The following ZCCHC8 variants were observed in gnomAD, a reference collection of about 807,000 sequenced individuals.
The protein encoded by ZCCHC8 is zinc finger CCHC domain-containing protein 8.
In ZCCHC8, 27 loss-of-function variants were observed where a neutral mutation model predicts 70.6. The ratio of observed to expected loss-of-function variants is 0.38; its 90% confidence interval spans 0.28 to 0.53. The LOEUF (loss-of-function observed/expected upper bound fraction) is 0.53, where lower values mean the gene tolerates loss of function less well. Ranked by LOEUF, ZCCHC8 falls within the 20% of genes least tolerant of loss-of-function variation. The pLI is 0.81. For synonymous variants in ZCCHC8, 293 were observed against 317.4 expected, an observed-to-expected ratio of 0.92 and a Z score of 0.82; for missense variants, 737 against 876.9, an observed-to-expected ratio of 0.84 and a Z score of 2.01.
At position 122,500,523 on chromosome 12, in the gene ZCCHC8, T is replaced by C; in HGVS notation, c.199+119A>G. On this transcript the variant is annotated intron_variant, in intron 1 of 13. Transcript: ENST00000633063. The surrounding 1 kb of genome is among the most constrained non-coding windows in gnomAD (Gnocchi z 4.8). ...GGGTGACAGAAAGCACTTGGAATTC[T>C]GGCCCTCCTGGAACTTCCGCCCGCG... is the stretch of plus-strand genomic sequence containing the variant. 6.4e-6 allele frequency: 8 copies of C among 1,246,834 alleles called. No homozygotes were observed. Among genetic ancestry groups the C allele is most frequent in the Non-Finnish European group, 8.6e-6 (8 of 927,312 alleles). The allele number at this position is 1,246,834 out of a possible 1,614,324, so 77.2% of individuals were successfully genotyped here. A position where few individuals can be genotyped will look rare whatever the true frequency, so the allele number is the denominator to read the frequency against.
In ZCCHC8 at chr12:122,483,959, G is replaced by GA. The variant is rs756732229; in HGVS notation, c.502-397dup. The GA allele has an allele frequency of 2.4e-5, 4 of 167,382 alleles. No individual in the cohort carries two copies. Among genetic ancestry groups the GA allele is most frequent in the Non-Finnish European group, 3.9e-5 (3 of 77,680 alleles). The allele number at this position is 167,382 out of a possible 1,614,324, so 10.4% of individuals were successfully genotyped here. ...TTTTCTTATCCCTCCAGTTCTTTTTGAAAAAATTCCATACAGACAAGTTGG... is the reference window on the plus strand; with the variant it reads ...TTTTCTTATCCCTCCAGTTCTTTTTGAAAAAAATTCCATACAGACAAGTTGG... On this transcript the variant is annotated intron_variant, in intron 5 of 13. Transcript: ENST00000633063. The surrounding 1 kb of genome is among the most constrained non-coding windows in gnomAD (Gnocchi z 4.4).
chr12:122,497,326 G>A (rs749359104), intron 2 of ZCCHC8, among the ~76,000 whole-genome samples: 13 of 151,738 alleles, frequency 8.6e-5, no homozygotes, highest in Non-Finnish European at 1.5e-4. Context: ...CAGATCACTC[G>A]AGGCCAGGAG....
intron 2 of ZCCHC8, among the ~76,000 whole-genome samples, chr12:122,496,351 A>C (rs774056760): frequency 6.0e-4 from 91 of 152,276 alleles, no homozygotes; most frequent in Non-Finnish European, 1.1e-3. Flanking sequence ...ATTCTAAGAA[A>C]ACACTGATTT....
Position 122,477,852 on chromosome 12 carries a change from T to G in ZCCHC8, c.1334A>C (p.Glu445Ala). ...AGGATGAAACCTACCTGAATCGAGCTCCATGTCGGCGGGAGATCCCGCTGA... is the reference window on the plus strand; with the variant it reads ...AGGATGAAACCTACCTGAATCGAGCGCCATGTCGGCGGGAGATCCCGCTGA... ...SNSAGSPADM[E>A]LDSDMEVPHG... The change falls in exon 13 of 14, where the codon GAG becomes GCG. Residue 445 changes from glutamate (E) to alanine (A), a missense_variant. Physicochemically the swap from Glu to Ala is moderately radical, Grantham distance 107. Transcript: ENST00000633063. 6.2e-7 allele frequency: 1 copy of G among 1,606,154 alleles called. No homozygotes were observed. The highest frequency in any genetic ancestry group is 2.2e-5 in the East Asian group (1 of 44,684).
chr12:122,477,727 T>C, intron 13 of ZCCHC8, 114 bp downstream of exon 13: 4 of 776,894 alleles, frequency 5.1e-6, no homozygotes, highest in Admixed American at 2.3e-5. Context: ...GAGGCAGAGG[T>C]TGCGGTGAGC....
chr12:122,495,847 C>CAAAAAA (rs538311699), intron 2 of ZCCHC8, among the ~76,000 whole-genome samples: 26 of 78,322 alleles, frequency 3.3e-4, no homozygotes, highest in South Asian at 8.5e-4. Flanking sequence ...CACTCTGTCT[C>CAAAAAA]AAAAAAAAAA....
chr12:122,493,187 A>C (rs1957776713), intron 2 of ZCCHC8, among the ~76,000 whole-genome samples: 1 of 152,108 alleles, frequency 6.6e-6, no homozygotes. Context: ...TAAGTACCAA[A>C]AATCATATAG....
At position 122,483,087 on chromosome 12, in the gene ZCCHC8, G is replaced by C. The variant is rs1566293121; in HGVS notation, c.671+192C>G. The C allele has an allele frequency of 3.2e-6, 2 of 617,534 alleles. No homozygotes were observed. Among genetic ancestry groups the C allele is most frequent in the Non-Finnish European group, 5.5e-6 (2 of 361,248 alleles). The allele number at this position is 617,534 out of a possible 1,614,324, so 38.3% of individuals were successfully genotyped here. A position where few individuals can be genotyped will look rare whatever the true frequency, so the allele number is the denominator to read the frequency against. ...CCACCCACCCAGGCACATTAGGTGA[G>C]AACCAATGAATTCCAGGAAGCAGAT... On this transcript the variant is annotated intron_variant, in intron 7 of 13. Transcript: ENST00000633063. This position sits in a 1 kb window ranked among gnomAD's most constrained non-coding sequence, Gnocchi z 4.4.
intron 10 of ZCCHC8, chr12:122,480,596 T>C: frequency 4.1e-6 from 1 of 244,898 alleles, no homozygotes; most frequent in Non-Finnish European, 7.8e-6. Context: ...CTCAGCCTCC[T>C]AAATAGCTGG....
intron 2 of ZCCHC8, among the ~76,000 whole-genome samples, chr12:122,496,437 C>T (rs542553267): frequency 3.3e-5 from 5 of 151,976 alleles, no homozygotes; most frequent in South Asian, 4.2e-4. Flanking sequence ...CGTTTGAACT[C>T]GGATAAAAAT....
Position 122,500,448 on chromosome 12 carries a change from G to A in ZCCHC8, c.199+194C>T, listed in dbSNP as rs947970333. The A allele has an allele frequency of 1.4e-6, 1 of 714,844 alleles. No homozygotes were observed. The highest frequency in any genetic ancestry group is 2.8e-5 in the East Asian group (1 of 35,948). 44.3% of individuals were successfully genotyped at this position (714,844 alleles called of 1,614,324 possible). ...CGGCCTCCCTGAGGGGAAGAGGTCT[G>A]CGCCGAGGCAGCCTGCGCGCCCCGA... On this transcript the variant is annotated intron_variant, in intron 1 of 13. Coordinates refer to ENST00000633063, the MANE Select transcript of ZCCHC8 (RefSeq NM_017612.5). This position sits in a 1 kb window ranked among gnomAD's most constrained non-coding sequence, Gnocchi z 4.8.
chr12:122,484,481 T>C lies in ZCCHC8; in HGVS notation c.502-918A>G, dbSNP rs370990642. ...AGGCTGGAATGCAGTGGCATGATCT[T>C]GGCTCACTGTAACTTCAAAGTCCTG... is the stretch of plus-strand genomic sequence containing the variant. On this transcript the variant is annotated intron_variant, in intron 5 of 13. Transcript: ENST00000633063. 5.4e-4 allele frequency among the ~76,000 whole-genome samples: 82 copies of C among 151,698 alleles called. 3 individuals are homozygous for C. In the South Asian group the frequency reaches 0.016, roughly 30 times the overall value.
At chr12:122,479,649 A>AAAAAACTTTTAAAAT (rs1411405294) in intron 11 of ZCCHC8, among the ~76,000 whole-genome samples, 2 of 152,220 alleles carry the variant, frequency 1.3e-5, no homozygotes, top group Non-Finnish European at 2.9e-5. Context: ...TTAAAATGTT[A>AAAAAACTTTTAAAAT]GAGTACTTTT....
At position 122,473,472 on chromosome 12, in the gene ZCCHC8, T is replaced by C. The variant is rs150877013; in HGVS notation, c.*25A>G. On this transcript the variant is annotated 3_prime_UTR_variant, in exon 14 of 14. Coordinates refer to ENST00000633063, the MANE Select transcript of ZCCHC8 (RefSeq NM_017612.5). ...TAATTAACGGAACAAAGTTATTAAA[T>C]AGCTCTCAGTGCTAAGTCAAGCCAT... The C allele has an allele frequency of 1.4e-3, 2,175 of 1,601,670 alleles. 15 individuals are homozygous for C. The highest frequency in any genetic ancestry group is 5.2e-4 in the Non-Finnish European group (606 of 1,173,804).
chr12:122,478,166 C>G (rs767793042), intron 12 of ZCCHC8, 40 bp downstream of exon 12: 1 of 1,486,034 alleles, frequency 6.7e-7, no homozygotes, highest in Admixed American at 1.9e-5. Context: ...CTCGCAGACA[C>G]AACAACATTT....
chr12:122,500,661 G>C lies in ZCCHC8; in HGVS notation c.180C>G (p.Ile60Met). Residue 60 changes from isoleucine to methionine, a missense_variant, in exon 1 of 14, where the codon ATC (isoleucine) becomes ATG (methionine). By Grantham distance (10) the Ile-to-Met change is conservative. Transcript: ENST00000633063. This position sits in a 1 kb window ranked among gnomAD's most constrained non-coding sequence, Gnocchi z 4.8. ...GGATATTCTCGGCGCGGAGCTGCTCGATGGTCTCCTCGCACTGCCGAAGCC... is the reference window on the plus strand; with the variant it reads ...GGATATTCTCGGCGCGGAGCTGCTCCATGGTCTCCTCGCACTGCCGAAGCC... Reference protein sequence around the residue: ...RERLRQCEETIEQLRAENQEL... With the variant: ...RERLRQCEETMEQLRAENQEL... The C allele has an allele frequency of 1.3e-6, 2 of 1,578,630 alleles. No homozygotes were observed. Among genetic ancestry groups the C allele is most frequent in the South Asian group, 1.2e-5 (1 of 86,438 alleles).
At chr12:122,482,987 T>C (rs1957566536) in intron 7 of ZCCHC8, 1 of 521,390 alleles carries the variant, frequency 1.9e-6, no homozygotes, top group Non-Finnish European at 3.4e-6. Context: ...TTGATCATAT[T>C]TCCGTTAGGT....
chr12:122,473,388 T>G lies in ZCCHC8; in HGVS notation c.*109A>C, dbSNP rs1957349167. ...CTTTGGAACATGAACCTTGGATAGATTTTTAAACATGGGAGGGACAAACAG... is the reference window on the plus strand; with the variant it reads ...CTTTGGAACATGAACCTTGGATAGAGTTTTAAACATGGGAGGGACAAACAG... On this transcript the variant is annotated 3_prime_UTR_variant, in exon 14 of 14. Transcript: ENST00000633063. 5 of 1,248,712 alleles carry G rather than the reference T, an allele frequency of 4.0e-6. No homozygotes were observed. The highest frequency in any genetic ancestry group is 5.5e-5 in the Admixed American group (2 of 36,384). 77.4% of individuals were successfully genotyped at this position (1,248,712 alleles called of 1,614,324 possible).
chr12:122,486,976 C>T (rs1168447142), intron 5 of ZCCHC8, among the ~76,000 whole-genome samples: 1 of 152,232 alleles, frequency 6.6e-6, no homozygotes, highest in Non-Finnish European at 1.5e-5. Flanking sequence ...AGCCTAAGAG[C>T]ACCTTCATGA....
Sources: allele counts gnomAD v4.1 joint callset (sites outside exome capture counted in the v4.1 genomes callset), GRCh38; gene constraint gnomAD v4.1.1; non-coding constraint Gnocchi (gnomAD v3.1); transcripts MANE v1.5; gene names NCBI Gene and HGNC (gene_info 2026-07-23, HGNC 2026-07-21).